ANKRD6: variants seen among roughly 807,000 people sequenced by gnomAD.
The protein encoded by ANKRD6 is ankyrin repeat domain 6, also known as ankyrin repeat domain-containing protein 6.
Under a neutral mutation model 82.3 loss-of-function variants are expected in ANKRD6, and 56 were observed. The ratio of observed to expected loss-of-function variants is 0.68; its 90% CI spans 0.55 to 0.85. The LOEUF is 0.85. Among genes scored for constraint, ANKRD6 ranks in the 40% least tolerant of loss-of-function variants. ANKRD6 has a pLI of 0.00. For missense variants in ANKRD6, 852 were observed against 907.6 expected, an observed-to-expected ratio of 0.94 and a Z score of 0.79; for synonymous variants, 347 against 352.1, an observed-to-expected ratio of 0.99 and a Z score of 0.16.
chr6:89,573,758 A>T (rs769711067), intron 2 of ANKRD6, among the ~76,000 whole-genome samples: 1 of 152,192 alleles, frequency 6.6e-6, no homozygotes, highest in Non-Finnish European at 1.5e-5. Flanking sequence ...GCAGTGCCTC[A>T]TCTTTGAACT....
rs1807347085 is a variant in ANKRD6 at position 89,631,325 on chromosome 6, A to G, written c.*321A>G. 1 of 211,714 alleles carries G rather than the reference A, an allele frequency of 4.7e-6. No individual in the cohort carries two copies. The highest frequency in any genetic ancestry group is 2.3e-5 in the African/African-American group (1 of 43,350). 13.1% of individuals were successfully genotyped at this position (211,714 alleles called of 1,614,324 possible). The stretch of plus-strand genomic sequence containing the variant: ...GAAACTGGACGATGTGTAAGCCTAG[A>G]CTCTAAAATTCAAGATGTGTGAAAT... On this transcript the variant is annotated 3_prime_UTR_variant, in exon 16 of 16. Coordinates refer to ENST00000339746, the MANE Select transcript of ANKRD6 (RefSeq NM_001242809.2).
At chr6:89,523,334 A>G (rs763311275) in intron 1 of ANKRD6, among the ~76,000 whole-genome samples, 8 of 152,204 alleles carry the variant, frequency 5.3e-5, no homozygotes, top group Non-Finnish European at 1.0e-4. Context: ...AAAGGAGAGA[A>G]TTTGCCTTCA....
At chr6:89,623,212 A>G (rs943279794) in intron 10 of ANKRD6, among the ~76,000 whole-genome samples, 198 bp from the exon 11 acceptor site, 1 of 152,168 alleles carries the variant, frequency 6.6e-6, no homozygotes, top group Admixed American at 6.5e-5. Flanking sequence ...TAAAAGCCAA[A>G]TGTTCAACCA....
intron 1 of ANKRD6, among the ~76,000 whole-genome samples, chr6:89,565,843 T>C (rs1788398730): frequency 6.6e-6 from 1 of 152,244 alleles, no homozygotes; most frequent in Non-Finnish European, 1.5e-5. Context: ...TCTTTTAAAA[T>C]GCAAAGAAGC....
At chr6:89,518,072 G>C (rs1386625528) in intron 1 of ANKRD6, among the ~76,000 whole-genome samples, 1 of 152,226 alleles carries the variant, frequency 6.6e-6, no homozygotes. Context: ...TTTTCATGGT[G>C]TCTAGTGGGA....
intron 4 of ANKRD6, 125 bp from the exon 5 acceptor site, chr6:89,605,882 G>A: frequency 1.8e-6 from 1 of 547,132 alleles, no homozygotes; most frequent in Non-Finnish European, 3.1e-6. Context: ...CTGTGGCTCA[G>A]ATGAGAAAGT....
At chr6:89,577,087 G>A (rs1791285118) in intron 2 of ANKRD6, among the ~76,000 whole-genome samples, 1 of 151,888 alleles carries the variant, frequency 6.6e-6, no homozygotes, top group Admixed American at 6.6e-5. Flanking sequence ...GAATCCACAG[G>A]TTCAAATCGA....
intron 5 of ANKRD6, among the ~76,000 whole-genome samples, chr6:89,606,688 T>G (rs1428805182): frequency 6.6e-6 from 1 of 151,998 alleles, no homozygotes; most frequent in Non-Finnish European, 1.5e-5. Context: ...AAACCCCATC[T>G]CTAATAAAAA....
intron 1 of ANKRD6, among the ~76,000 whole-genome samples, chr6:89,461,203 C>T (rs1021343311): frequency 1.7e-4 from 26 of 152,154 alleles, no homozygotes; most frequent in Admixed American, 5.2e-4. Flanking sequence ...AGTGAGCCAC[C>T]GCACCTGGCT....
chr6:89,454,850 T>G (rs1364902137), intron 1 of ANKRD6, among the ~76,000 whole-genome samples: 2 of 152,126 alleles, frequency 1.3e-5, no homozygotes, highest in Non-Finnish European at 2.9e-5. Flanking sequence ...TTCTGAGGTT[T>G]GTTTGTTTGA....
chr6:89,471,444 C>A (rs558891018), intron 1 of ANKRD6, among the ~76,000 whole-genome samples: 1 of 150,900 alleles, frequency 6.6e-6, no homozygotes, highest in Non-Finnish European at 1.5e-5. Context: ...ATTGAAGCCA[C>A]GAGACTGGAT....
intron 3 of ANKRD6, chr6:89,598,038 G>A: frequency 1.1e-6 from 1 of 921,488 alleles, no homozygotes; most frequent in Non-Finnish European, 1.3e-6. Flanking sequence ...ATGGTGGGTA[G>A]AAACAGAGAA....
chr6:89,490,098 G>A (rs1777840633), intron 1 of ANKRD6, among the ~76,000 whole-genome samples: 6 of 152,152 alleles, frequency 3.9e-5, no homozygotes, highest in Admixed American at 3.9e-4. Flanking sequence ...ATTTACATGG[G>A]CATTTTTTCC....
intron 2 of ANKRD6, among the ~76,000 whole-genome samples, chr6:89,593,162 G>T (rs989213595): frequency 6.6e-6 from 1 of 152,186 alleles, no homozygotes; most frequent in Admixed American, 6.5e-5. Flanking sequence ...TTTTCCAGCT[G>T]CCCAGAAGCA....
chr6:89,481,227 T>C (rs982753218), intron 1 of ANKRD6, among the ~76,000 whole-genome samples: 1 of 152,188 alleles, frequency 6.6e-6, no homozygotes, highest in African/African-American at 2.4e-5. Flanking sequence ...ACAGTAGTTA[T>C]ATCCATGTTG....
At chr6:89,610,859 C>A (rs1656335583) in intron 5 of ANKRD6, among the ~76,000 whole-genome samples, 1 of 150,976 alleles carries the variant, frequency 6.6e-6, no homozygotes, top group African/African-American at 2.4e-5. Context: ...CCCAGTTTGC[C>A]CTGGGCTAAA....
chr6:89,546,471 C>T (rs1445891162), intron 1 of ANKRD6, among the ~76,000 whole-genome samples: 1 of 134,676 alleles, frequency 7.4e-6, no homozygotes, highest in African/African-American at 2.8e-5. Context: ...ATCGATTGAT[C>T]GATTGATTTT....
chr6:89,631,096 T>C lies in ANKRD6; in HGVS notation c.*92T>C. On this transcript the variant is annotated 3_prime_UTR_variant, in exon 16 of 16. Coordinates refer to ENST00000339746, the MANE Select transcript of ANKRD6 (RefSeq NM_001242809.2). ...TGCCCAAGGAGTCAACTATTGTATA[T>C]ATTGCAGATTTGCCTTTTTAAAAAA... 2 of 1,417,410 alleles carry C rather than the reference T, an allele frequency of 1.4e-6. No individual in the cohort carries two copies. The highest frequency in any genetic ancestry group is 6.0e-5 in the Admixed American group (2 of 33,456). The allele number at this position is 1,417,410 out of a possible 1,614,324, so 87.8% of individuals were successfully genotyped here. A position where few individuals can be genotyped will look rare whatever the true frequency, so the allele number is the denominator to read the frequency against.
chr6:89,444,175 T>A (rs1360139666), intron 1 of ANKRD6, among the ~76,000 whole-genome samples: 1 of 152,208 alleles, frequency 6.6e-6, no homozygotes, highest in Non-Finnish European at 1.5e-5. Context: ...CTTGTTTGTT[T>A]ATAATTTTCT....
Sources: allele counts gnomAD v4.1 joint callset (sites outside exome capture counted in the v4.1 genomes callset), GRCh38; gene constraint gnomAD v4.1.1; transcripts MANE v1.5; gene names NCBI Gene and HGNC (gene_info 2026-07-23, HGNC 2026-07-21).